Variants in TMEM248 observed in about 807,000 individuals in gnomAD.
The protein encoded by TMEM248 is UPF0458 protein C7orf42.
A neutral mutation model predicts 30.3 loss-of-function variants in TMEM248; 9 were observed. The observed-to-expected ratio is 0.30, with a 90% CI of 0.18 to 0.52. The LOEUF (loss-of-function observed/expected upper bound fraction) is 0.52, where lower values mean the gene tolerates loss of function less well. TMEM248 is among the 20% of genes least tolerant of loss of function. The pLI is 0.97. For missense variants in TMEM248, 338 were observed against 403.3 expected (o/e 0.84, Z 1.39); for synonymous variants, 184 against 154.4 (o/e 1.19, Z -1.42).
At chr7:66,948,752 G>A (rs542642498) in intron 4 of TMEM248, 58 bp downstream of exon 4, 22 of 1,555,218 alleles carry the variant, frequency 1.4e-5, no homozygotes, top group Admixed American at 3.6e-5. Context: ...CCGTGAGTAC[G>A]GCTGGGCTGC....
rs762009482 is a variant in TMEM248, at chr7:66,938,742, G to A, written c.-18-3106G>A. Among the ~76,000 whole-genome samples the A allele has an allele frequency of 2.2e-4, 33 of 152,250 alleles. 1 individual carries two copies. The Middle Eastern group carries it at 0.014, about 63-fold the overall frequency. ...AGGCTGGTCTTGAACTCCTGACCTC[G>A]TGATCCACCTGCCTTGGCATCCCAA... On this transcript the variant is annotated intron_variant, in intron 1 of 6. Transcript: ENST00000341567.
intron 1 of TMEM248, among the ~76,000 whole-genome samples, chr7:66,924,558 C>G (rs1374771292): frequency 6.6e-6 from 1 of 152,182 alleles, no homozygotes; most frequent in Non-Finnish European, 1.5e-5. Flanking sequence ...ATGCCCGCCA[C>G]CATGCCTGGC....
chr7:66,949,138 A>C (rs1792192460), intron 4 of TMEM248, among the ~76,000 whole-genome samples: 1 of 149,102 alleles, frequency 6.7e-6, no homozygotes, highest in Non-Finnish European at 1.5e-5. Flanking sequence ...CCCTGTCTCT[A>C]TTTAAAAAAA....
Position 66,946,277 on chromosome 7 carries a change from A to T in TMEM248, c.445+1016A>T, listed in dbSNP as rs559417274. ...ACTCCATCTCAAAAAAAGAAAAGAAAAGACAATGCCTAAGATGGGCCCGTG... is the reference window on the plus strand; with the variant it reads ...ACTCCATCTCAAAAAAAGAAAAGAATAGACAATGCCTAAGATGGGCCCGTG... On this transcript the variant is annotated intron_variant, in intron 3 of 6. Transcript: ENST00000341567. Among the ~76,000 whole-genome samples the T allele has an allele frequency of 1.3e-4, 19 of 150,992 alleles. No homozygotes were observed. In the East Asian group the frequency reaches 2.4e-3, roughly 19 times the overall value.
At chr7:66,949,804 T>A (rs1249825498) in intron 4 of TMEM248, among the ~76,000 whole-genome samples, 1 of 121,876 alleles carries the variant, frequency 8.2e-6, no homozygotes, top group Admixed American at 7.8e-5. Flanking sequence ...GCATTTTAGG[T>A]TTTTTTTGTT....
chr7:66,922,349 A>G (rs752344453), intron 1 of TMEM248: 8 of 152,192 alleles, frequency 5.3e-5, no homozygotes, highest in Non-Finnish European at 1.2e-4. Flanking sequence ...GGGTCAGCTT[A>G]GGGTCTCAGC....
chr7:66,939,514 A>G (rs1271024783), intron 1 of TMEM248, among the ~76,000 whole-genome samples: 1 of 152,204 alleles, frequency 6.6e-6, no homozygotes, highest in Non-Finnish European at 1.5e-5. Context: ...TAAAATTTAA[A>G]CGCTGATACA....
At chr7:66,930,080 C>A (rs185218080) in intron 1 of TMEM248, among the ~76,000 whole-genome samples, 5 of 152,010 alleles carry the variant, frequency 3.3e-5, no homozygotes, top group Non-Finnish European at 1.5e-5. Context: ...GGATCGCTTG[C>A]GCCCAGGAAG....
intron 1 of TMEM248, among the ~76,000 whole-genome samples, chr7:66,923,474 T>C (rs918760050): frequency 2.6e-5 from 4 of 152,074 alleles, no homozygotes; most frequent in East Asian, 1.9e-4. Flanking sequence ...GAGGTGGACC[T>C]AGAAAGATCA....
Position 66,950,942 on chromosome 7 carries a change from TCTC to T in TMEM248, c.597-7_597-5del, listed in dbSNP as rs779304378. Reference sequence around the variant, plus strand: ...GAGCACGTGTCTTTCCTCCTCCTCTTCTCCTGCAGACAGCCACCGCACTGTGTT... The same window carrying T: ...GAGCACGTGTCTTTCCTCCTCCTCTTCTGCAGACAGCCACCGCACTGTGTT... On this transcript the variant is annotated splice_region_variant and splice_polypyrimidine_tract_variant and intron_variant, in intron 4 of 6. Coordinates refer to ENST00000341567, the MANE Select transcript of TMEM248 (RefSeq NM_017994.5). 1.2e-5 allele frequency: 18 copies of T among 1,547,274 alleles called. No individual in the cohort carries two copies. Among genetic ancestry groups the T allele is most frequent in the African/African-American group, 5.5e-5 (4 of 72,926 alleles).
chr7:66,946,470 C>G (rs1439535835), intron 3 of TMEM248, among the ~76,000 whole-genome samples: 1 of 151,912 alleles, frequency 6.6e-6, no homozygotes, highest in Non-Finnish European at 1.5e-5. Flanking sequence ...ATCCCAGCCA[C>G]TCTGGAGGCT....
chr7:66,929,426 A>ATTTTTTT lies in TMEM248; in HGVS notation c.-19+7987_-19+7993dup, dbSNP rs35126436. Among the ~76,000 whole-genome samples the ATTTTTTT allele has an allele frequency of 1.0e-3, 101 of 97,668 alleles. 6 individuals are homozygous for ATTTTTTT. Among genetic ancestry groups the ATTTTTTT allele is most frequent in the East Asian group, 5.9e-3 (16 of 2,714 alleles). The allele number at this position is 97,668 out of a possible 152,430, so 64.1% of individuals were successfully genotyped here. ...ACAATATCATGGAAATGAGAGACAA[A>ATTTTTTT]TTTTTTTTTTTTTTTTTTTTTTTTT... On this transcript the variant is annotated intron_variant, in intron 1 of 6. Coordinates refer to ENST00000341567, the MANE Select transcript of TMEM248 (RefSeq NM_017994.5).
At position 66,948,713 on chromosome 7, in the gene TMEM248, T is replaced by G; in HGVS notation, c.596+19T>G. The G allele has an allele frequency of 6.3e-7, 1 of 1,589,180 alleles. No individual in the cohort carries two copies. Among genetic ancestry groups the G allele is most frequent in the Non-Finnish European group, 8.6e-7 (1 of 1,160,870 alleles). Reference sequence around the variant, plus strand: ...TCACTGTGTAAGTGTACCCGGCACCTGATGAACGTGCGTAACAAGCTCCAC... The same window carrying G: ...TCACTGTGTAAGTGTACCCGGCACCGGATGAACGTGCGTAACAAGCTCCAC... On this transcript the variant is annotated intron_variant, in intron 4 of 6. Coordinates refer to ENST00000341567, the MANE Select transcript of TMEM248 (RefSeq NM_017994.5).
intron 5 of TMEM248, among the ~76,000 whole-genome samples, chr7:66,951,736 G>A (rs1052705402): frequency 1.3e-5 from 2 of 151,912 alleles, no homozygotes; most frequent in African/African-American, 4.8e-5. Flanking sequence ...GGGGTCTAGT[G>A]GCGCAATCAT....
In TMEM248 at chr7:66,957,096, A is replaced by T. The variant is rs942940715; in HGVS notation, c.*1574A>T. ...TTTCTTGTATTCTTACTGTTTTTTT[A>T]AAATAACTTTTTGCCTTAATAGCTC... On this transcript the variant is annotated 3_prime_UTR_variant, in exon 7 of 7. Coordinates refer to ENST00000341567, the MANE Select transcript of TMEM248 (RefSeq NM_017994.5). 1.3e-5 allele frequency: 2 copies of T among 152,570 alleles called. No homozygotes were observed. The highest frequency in any genetic ancestry group is 2.1e-4 in the South Asian group (1 of 4,834). The allele number at this position is 152,570 out of a possible 1,614,324, so 9.5% of individuals were successfully genotyped here. A position where few individuals can be genotyped will look rare whatever the true frequency, so the allele number is the denominator to read the frequency against.
At chr7:66,944,103 CTTT>C (rs397891070) in intron 2 of TMEM248, among the ~76,000 whole-genome samples, 30 of 112,364 alleles carry the variant, frequency 2.7e-4, no homozygotes, top group Admixed American at 3.9e-4. Flanking sequence ...CCTCAGATGG[CTTT>C]TTTTTTTTTT....
At chr7:66,931,289 CAA>C (rs1791657211) in intron 1 of TMEM248, among the ~76,000 whole-genome samples, 1 of 56,770 alleles carries the variant, frequency 1.8e-5, no homozygotes, top group Non-Finnish European at 3.2e-5. Context: ...CAGTGCGAGA[CAA>C]TATCTCAAAA....
At position 66,941,915 on chromosome 7, in the gene TMEM248, G is replaced by T; in HGVS notation, c.50G>T (p.Arg17Leu). Residue 17 changes from arginine (R) to leucine (L), a missense_variant, in exon 2 of 7, where the codon CGG becomes CTG. Transcript: ENST00000341567. ...AACCTGAAGGTGTACATCAGCAGTC[G>T]GCCTCCCCTGGTGGTCTTCATGATC... ...LENLKVYISS[R>L]PPLVVFMISV... is the part of the protein sequence containing the mutation. The T allele has an allele frequency of 6.2e-7, 1 of 1,614,038 alleles. No homozygotes were observed. The highest frequency in any genetic ancestry group is 8.5e-7 in the Non-Finnish European group (1 of 1,180,000).
chr7:66,955,531 C>G lies in TMEM248; in HGVS notation c.*9C>G. On this transcript the variant is annotated 3_prime_UTR_variant, in exon 7 of 7. Coordinates refer to ENST00000341567, the MANE Select transcript of TMEM248 (RefSeq NM_017994.5). The stretch of plus-strand genomic sequence containing the variant: ...CTTTGGCTGAAGCCTAATTCCACAG[C>G]TCCTTGTTTTTTGAGAGAGACTGAG... The G allele has an allele frequency of 6.2e-7, 1 of 1,614,062 alleles. No homozygotes were observed. Among genetic ancestry groups the G allele is most frequent in the Middle Eastern group, 1.7e-4 (1 of 6,054 alleles).
Sources: allele counts gnomAD v4.1 joint callset (sites outside exome capture counted in the v4.1 genomes callset), GRCh38; gene constraint gnomAD v4.1.1; transcripts MANE v1.5; gene names NCBI Gene and HGNC (gene_info 2026-07-23, HGNC 2026-07-21).